Variants in NAALADL2 observed in about 807,000 individuals in gnomAD.
NAALADL2 encodes N-acetylated alpha-linked acidic dipeptidase like 2, also known as inactive N-acetylated-alpha-linked acidic dipeptidase-like protein 2.
In NAALADL2, 76 loss-of-function variants were observed where a neutral mutation model predicts 87.2. That is an observed-to-expected ratio of 0.87 (90% CI 0.72 to 1.05). The LOEUF (loss-of-function observed/expected upper bound fraction) is 1.05, where lower values mean the gene tolerates loss of function less well. Ranked by LOEUF, NAALADL2 falls within the 50% of genes least tolerant of loss-of-function variation. NAALADL2 has a pLI of 0.00. For synonymous variants in NAALADL2, 354 were observed against 331.0 expected (o/e 1.07, Z -0.75); for missense variants, 1,089 against 945.8 (o/e 1.15, Z -1.99).
intron 1 of NAALADL2, among the ~76,000 whole-genome samples, chr3:175,068,716 T>C (rs951138323): frequency 1.3e-5 from 2 of 152,078 alleles, no homozygotes; most frequent in African/African-American, 2.4e-5. Context: ...AAGAAAATAG[T>C]CCTGGAGATA....
chr3:175,299,565 G>A (rs970257447), intron 4 of NAALADL2, among the ~76,000 whole-genome samples: 12 of 152,102 alleles, frequency 7.9e-5, no homozygotes, highest in African/African-American at 2.9e-4. Flanking sequence ...AATTGTGAAT[G>A]GGAGTTTGCT....
At chr3:175,332,635 T>C (rs1231413263) in intron 5 of NAALADL2, among the ~76,000 whole-genome samples, 1 of 152,198 alleles carries the variant, frequency 6.6e-6, no homozygotes, top group Admixed American at 6.5e-5. Context: ...TGTTGAGACG[T>C]GTGTTGTGCC....
chr3:175,042,581 A>T (rs1340333987), intron 1 of NAALADL2, among the ~76,000 whole-genome samples: 11 of 152,040 alleles, frequency 7.2e-5, no homozygotes, highest in Admixed American at 7.2e-4. Flanking sequence ...TTTCCTCCAC[A>T]TCCTCATCAT....
At chr3:175,156,459 C>G (rs1437452966) in intron 2 of NAALADL2, among the ~76,000 whole-genome samples, 3 of 151,940 alleles carry the variant, frequency 2.0e-5, no homozygotes, top group Admixed American at 6.6e-5. Flanking sequence ...TTATTATTTC[C>G]TACATTGCTT....
At chr3:174,765,143 C>CATGAGAGAGA (rs150906568) in intron 3 of NAALADL2, among the ~76,000 whole-genome samples, 15 of 124,552 alleles carry the variant, frequency 1.2e-4, no homozygotes, top group South Asian at 2.4e-4. Flanking sequence ...CACACACACA[C>CATGAGAGAGA]GAGAGAGAGA....
intron 8 of NAALADL2, 142 bp from the exon 9 acceptor site, chr3:175,471,497 G>GA: frequency 2.0e-6 from 1 of 512,068 alleles, no homozygotes; most frequent in Non-Finnish European, 3.3e-6. Flanking sequence ...AAGAAAGAAA[G>GA]AAAGAAAAAA....
At chr3:174,756,221 G>A (rs904093888) in intron 3 of NAALADL2, among the ~76,000 whole-genome samples, 7 of 152,228 alleles carry the variant, frequency 4.6e-5, no homozygotes, top group African/African-American at 1.7e-4. Context: ...AATCATTTTG[G>A]TATTTGTCTC....
chr3:175,774,181 G>A (rs1334397114), intron 13 of NAALADL2, among the ~76,000 whole-genome samples: 2 of 152,008 alleles, frequency 1.3e-5, no homozygotes, highest in African/African-American at 4.8e-5. Context: ...TTTACATGAT[G>A]AAAGGCCTCA....
At chr3:175,466,120 A>G (rs539531558) in intron 7 of NAALADL2, among the ~76,000 whole-genome samples, 238 of 152,352 alleles carry the variant, frequency 1.6e-3, no homozygotes, top group Middle Eastern at 3.4e-3. Context: ...GGCTGGATTC[A>G]GGGTCTGAAC....
chr3:174,728,826 G>T (rs1732440329), intron 2 of NAALADL2, among the ~76,000 whole-genome samples: 1 of 152,130 alleles, frequency 6.6e-6, no homozygotes, highest in South Asian at 2.1e-4. Flanking sequence ...ACAGACATGA[G>T]TTTACATTTA....
intron 2 of NAALADL2, among the ~76,000 whole-genome samples, chr3:174,712,318 GATA>G (rs1283182425): frequency 5.1e-4 from 75 of 147,988 alleles, no homozygotes; most frequent in Admixed American, 2.7e-4. Flanking sequence ...CTAATGCTAT[GATA>G]ATAATTTCAA....
intron 2 of NAALADL2, among the ~76,000 whole-genome samples, chr3:175,104,039 T>G (rs1008234054): frequency 6.6e-6 from 1 of 152,174 alleles, no homozygotes; most frequent in East Asian, 1.9e-4. Context: ...AACTCAGACA[T>G]TAGGTTTGTT....
intron 4 of NAALADL2, among the ~76,000 whole-genome samples, chr3:175,263,178 A>C (rs1398343698): frequency 6.6e-6 from 1 of 151,966 alleles, no homozygotes; most frequent in East Asian, 1.9e-4. Flanking sequence ...TCTGTTTTCC[A>C]ATGATGGAAG....
At chr3:174,554,849 G>A (rs543819393) in intron 2 of NAALADL2, among the ~76,000 whole-genome samples, 139 of 152,216 alleles carry the variant, frequency 9.1e-4, no homozygotes, top group African/African-American at 1.5e-3. Flanking sequence ...ATAAACAATC[G>A]AAATTTTTAC....
At chr3:175,631,450 CTTTTT>C (rs34282283) in intron 11 of NAALADL2, among the ~76,000 whole-genome samples, 1 of 139,042 alleles carries the variant, frequency 7.2e-6, no homozygotes. Flanking sequence ...CCCTGTAGTT[CTTTTT>C]TTTTTTTTTT....
chr3:175,115,057 T>A (rs1365645685), intron 2 of NAALADL2: 1 of 151,708 alleles, frequency 6.6e-6, no homozygotes, highest in Non-Finnish European at 1.5e-5. Flanking sequence ...GATAAAGATG[T>A]TAAAATGTCA....
chr3:175,255,781 T>G (rs1749826516), intron 3 of NAALADL2, among the ~76,000 whole-genome samples: 1 of 152,250 alleles, frequency 6.6e-6, no homozygotes, highest in South Asian at 2.1e-4. Flanking sequence ...CAAATGTAAC[T>G]CTAGGTGAGT....
chr3:175,117,189 G>T (rs1441814253), intron 2 of NAALADL2, among the ~76,000 whole-genome samples: 3 of 152,014 alleles, frequency 2.0e-5, no homozygotes, highest in Non-Finnish European at 4.4e-5. Context: ...CACCATTCAG[G>T]ACATAGGCAT....
intron 2 of NAALADL2, among the ~76,000 whole-genome samples, chr3:174,552,054 C>G (rs539988887): frequency 6.6e-6 from 1 of 152,234 alleles, no homozygotes; most frequent in South Asian, 2.1e-4. Flanking sequence ...AATATACATA[C>G]AACATTCTAG....
Sources: allele counts gnomAD v4.1 joint callset (sites outside exome capture counted in the v4.1 genomes callset), GRCh38; gene constraint gnomAD v4.1.1; transcripts MANE v1.5; gene names NCBI Gene and HGNC (gene_info 2026-07-23, HGNC 2026-07-21).